Variants in JAKMIP1 observed in about 807,000 individuals in gnomAD.
The protein encoded by JAKMIP1 is janus kinase and microtubule interacting protein 1.
A neutral mutation model predicts 113.0 loss-of-function variants in JAKMIP1; 33 were observed. The ratio of observed to expected loss-of-function variants is 0.29; its 90% CI spans 0.22 to 0.39. JAKMIP1 has a LOEUF of 0.39. JAKMIP1 is among the 10% of genes least tolerant of loss of function. The pLI, the probability that JAKMIP1 is intolerant of heterozygous loss-of-function variation, is 1.00. For missense variants in JAKMIP1, 813 were observed against 1,080.5 expected, an observed-to-expected ratio of 0.75 and a Z score of 3.47; for synonymous variants, 480 against 459.9, an observed-to-expected ratio of 1.04 and a Z score of -0.56.
intron 20 of JAKMIP1, among the ~76,000 whole-genome samples, 174 bp from the exon 21 acceptor site, chr4:6,026,452 T>G (rs907851838): frequency 6.6e-6 from 1 of 152,216 alleles, no homozygotes; most frequent in East Asian, 1.9e-4. Context: ...TGATCTCCCC[T>G]GGGAAACGCA....
In JAKMIP1 at chr4:6,112,714, AC is replaced by A. The variant is rs1462365211; in HGVS notation, c.129+7del. On this transcript the variant is annotated splice_region_variant and intron_variant, in intron 2 of 20. Transcript: ENST00000409021. ...CCCAGCCGCTGCTGAGCTGACGCCA[AC>A]CCCCACCTTGCTTTTTTCCTGCTGG... 1.9e-6 allele frequency: 3 copies of A among 1,612,756 alleles called. No homozygotes were observed. The highest frequency in any genetic ancestry group is 1.3e-5 in the African/African-American group (1 of 74,876).
rs1229645170 is a variant in JAKMIP1, at chr4:6,184,783, G to A, written c.-148+15470C>T. 6.6e-6 allele frequency among the ~76,000 whole-genome samples: 1 copy of A among 152,228 alleles called. No individual in the cohort carries two copies. ...ACTCGATTGGACAGAAGGATAGAAA[G>A]TATTGTTCCTGAGTGTGTCTGTGAG... On this transcript the variant is annotated intron_variant, in intron 1 of 20. Transcript: ENST00000409021. This position sits in a 1 kb window ranked among gnomAD's most constrained non-coding sequence, Gnocchi z 4.5.
At chr4:6,164,609 A>G (rs1400262588) in intron 1 of JAKMIP1, among the ~76,000 whole-genome samples, 1 of 152,220 alleles carries the variant, frequency 6.6e-6, no homozygotes, top group East Asian at 1.9e-4. Context: ...AGCAAAGTAC[A>G]TTGAAAACCT....
intron 1 of JAKMIP1, among the ~76,000 whole-genome samples, chr4:6,132,167 A>G (rs1718597828): frequency 6.6e-6 from 1 of 152,238 alleles, no homozygotes; most frequent in Admixed American, 6.5e-5. Flanking sequence ...GGGAGAGACG[A>G]AACGGGACTC....
At chr4:6,128,735 C>T (rs1051275115) in intron 1 of JAKMIP1, among the ~76,000 whole-genome samples, 16 of 152,298 alleles carry the variant, frequency 1.1e-4, no homozygotes, top group Admixed American at 3.3e-4. Flanking sequence ...CTGGTGCCCC[C>T]AGCCTTGCCA....
chr4:6,145,975 G>A (rs578007366), intron 1 of JAKMIP1, among the ~76,000 whole-genome samples: 25 of 152,226 alleles, frequency 1.6e-4, no homozygotes, highest in South Asian at 8.3e-4. Context: ...TGAAGGCTTC[G>A]ACATAGGAAC....
At chr4:6,123,955 G>T (rs764183176) in intron 1 of JAKMIP1, among the ~76,000 whole-genome samples, 26 of 152,300 alleles carry the variant, frequency 1.7e-4, no homozygotes, top group Middle Eastern at 3.4e-3. Context: ...ATAGTTAGAG[G>T]GAGTTTTAAA....
chr4:6,153,960 C>T lies in JAKMIP1; in HGVS notation c.-147-40963G>A, dbSNP rs1411397942. On this transcript the variant is annotated intron_variant, in intron 1 of 20. Transcript: ENST00000409021. This position sits in a 1 kb window ranked among gnomAD's most constrained non-coding sequence, Gnocchi z 4.9. ...TTTGGCTGGGAAAGTCTGGATCCTGCCTCTTACTTGTCACAGAGTCTGCCC... is the reference window on the plus strand; with the variant it reads ...TTTGGCTGGGAAAGTCTGGATCCTGTCTCTTACTTGTCACAGAGTCTGCCC... 1.3e-5 allele frequency among the ~76,000 whole-genome samples: 2 copies of T among 152,204 alleles called. No homozygotes were observed. Among genetic ancestry groups the T allele is most frequent in the East Asian group, 3.8e-4 (2 of 5,202 alleles).
rs952827131 is a variant in JAKMIP1 at position 6,176,821 on chromosome 4, C to T, written c.-148+23432G>A. 2.6e-5 allele frequency among the ~76,000 whole-genome samples: 4 copies of T among 152,114 alleles called. No homozygotes were observed. Among genetic ancestry groups the T allele is most frequent in the African/African-American group, 9.7e-5 (4 of 41,408 alleles). On this transcript the variant is annotated intron_variant, in intron 1 of 20. Coordinates refer to ENST00000409021, the MANE Select transcript of JAKMIP1 (RefSeq NM_001099433.2). The surrounding 1 kb of genome is among the most constrained non-coding windows in gnomAD (Gnocchi z 5.5). Reference sequence around the variant, plus strand: ...GCCGAGGCAGGCGGATCACTTGAGCCCAGAAGTTAGAAACCAGCCTGGGCA... The same window carrying T: ...GCCGAGGCAGGCGGATCACTTGAGCTCAGAAGTTAGAAACCAGCCTGGGCA...
intron 3 of JAKMIP1, among the ~76,000 whole-genome samples, chr4:6,098,701 A>AG (rs752587396): frequency 2.3e-5 from 1 of 43,008 alleles, no homozygotes; most frequent in South Asian, 1.1e-3. Flanking sequence ...AGAAAGAAAG[A>AG]AAGAAAGAAA....
rs930091278 is a variant in JAKMIP1 at position 6,086,892 on chromosome 4, G to C, written c.625-1263C>G. Among the ~76,000 whole-genome samples the C allele has an allele frequency of 6.6e-6, 1 of 152,086 alleles. No individual in the cohort carries two copies. Among genetic ancestry groups the C allele is most frequent in the Non-Finnish European group, 1.5e-5 (1 of 68,010 alleles). On this transcript the variant is annotated intron_variant, in intron 3 of 20. Coordinates refer to ENST00000409021, the MANE Select transcript of JAKMIP1 (RefSeq NM_001099433.2). The surrounding 1 kb of genome is among the most constrained non-coding windows in gnomAD (Gnocchi z 4.1). ...CACAGCCTCAAGCCAAGGAACTCAA[G>C]GTCAGCCAGCAACACCAGCATCAGG...
At chr4:6,147,273 G>A (rs537262681) in intron 1 of JAKMIP1, among the ~76,000 whole-genome samples, 3 of 152,028 alleles carry the variant, frequency 2.0e-5, no homozygotes, top group Admixed American at 1.3e-4. Flanking sequence ...TAACTCAGTT[G>A]TGTTTTTTGT....
chr4:6,037,549 C>T (rs530096250), intron 18 of JAKMIP1, among the ~76,000 whole-genome samples: 24 of 145,392 alleles, frequency 1.7e-4, no homozygotes, highest in Admixed American at 4.7e-4. Flanking sequence ...AGAGGCTAAC[C>T]GGTATCCCTC....
rs78491354 is a variant in JAKMIP1 at position 6,144,286 on chromosome 4, T to G, written c.-147-31289A>C. ...ATACGTAGAAAAGCACAGGCCTAGATGGCTGCAGGGGTGAATTCTATCAAA... is the reference window on the plus strand; with the variant it reads ...ATACGTAGAAAAGCACAGGCCTAGAGGGCTGCAGGGGTGAATTCTATCAAA... On this transcript the variant is annotated intron_variant, in intron 1 of 20. Coordinates refer to ENST00000409021, the MANE Select transcript of JAKMIP1 (RefSeq NM_001099433.2). Among the ~76,000 whole-genome samples, 278 of 152,358 alleles carry G rather than the reference T, an allele frequency of 1.8e-3. 1 individual carries two copies. The highest frequency in any genetic ancestry group is 0.01 in the Middle Eastern group (3 of 294).
Position 6,137,554 on chromosome 4 carries a change from C to T in JAKMIP1, c.-147-24557G>A, listed in dbSNP as rs1365704438. Among the ~76,000 whole-genome samples, 1 of 152,208 alleles carries T rather than the reference C, an allele frequency of 6.6e-6. No individual in the cohort carries two copies. The highest frequency in any genetic ancestry group is 1.5e-5 in the Non-Finnish European group (1 of 68,034). On this transcript the variant is annotated intron_variant, in intron 1 of 20. Transcript: ENST00000409021. The surrounding 1 kb of genome is among the most constrained non-coding windows in gnomAD (Gnocchi z 4.5). The stretch of plus-strand genomic sequence containing the variant: ...GGAGCTGTGATTTGGTTGAACGTTC[C>T]AGATGGCCTCACTCGAGAGACGCTC...
rs960191420 is a variant in JAKMIP1 at position 6,065,499 on chromosome 4, AG to A, written c.1303-492del. The stretch of plus-strand genomic sequence containing the variant: ...AGAACTGGATGAATAAGGACAGCAG[AG>A]GGGGCAACAGCTTGAAGGAGTGGAG... On this transcript the variant is annotated intron_variant, in intron 8 of 20. Transcript: ENST00000409021. The surrounding 1 kb of genome is among the most constrained non-coding windows in gnomAD (Gnocchi z 5.1). Among the ~76,000 whole-genome samples, 26 of 152,366 alleles carry A rather than the reference AG, an allele frequency of 1.7e-4. No individual in the cohort carries two copies. Among genetic ancestry groups the A allele is most frequent in the African/African-American group, 6.3e-4 (26 of 41,588 alleles).
At position 6,065,600 on chromosome 4, in the gene JAKMIP1, G is replaced by C. The variant is rs1473572215; in HGVS notation, c.1303-592C>G. Among the ~76,000 whole-genome samples the C allele has an allele frequency of 3.3e-5, 5 of 152,242 alleles. No homozygotes were observed. In the East Asian group the frequency reaches 9.6e-4, roughly 29 times the overall value. ...CAAGTCCTGGCCAGACCCACACTTA[G>C]AGGCAATCTCTGCTTAACTTTTTAT... On this transcript the variant is annotated intron_variant, in intron 8 of 20. Coordinates refer to ENST00000409021, the MANE Select transcript of JAKMIP1 (RefSeq NM_001099433.2). The surrounding 1 kb of genome is among the most constrained non-coding windows in gnomAD (Gnocchi z 5.1).
Position 6,030,818 on chromosome 4 carries a change from C to T in JAKMIP1, c.2380-1037G>A, listed in dbSNP as rs1170912724. Reference sequence around the variant, plus strand: ...TTCTCCAGCCTGTGTCAGCATCACCCAGAGAGCCTACTCAAATGCAGATTG... The same window carrying T: ...TTCTCCAGCCTGTGTCAGCATCACCTAGAGAGCCTACTCAAATGCAGATTG... On this transcript the variant is annotated intron_variant, in intron 19 of 20. Coordinates refer to ENST00000409021, the MANE Select transcript of JAKMIP1 (RefSeq NM_001099433.2). 2.0e-5 allele frequency among the ~76,000 whole-genome samples: 3 copies of T among 152,216 alleles called. No individual in the cohort carries two copies. In the East Asian group the frequency reaches 5.8e-4, roughly 29 times the overall value.
At chr4:6,056,578 C>T (rs373580547) in intron 12 of JAKMIP1, 119 bp downstream of exon 12, 5 of 745,776 alleles carry the variant, frequency 6.7e-6, no homozygotes, top group South Asian at 1.5e-5. Context: ...GTGCAGGACC[C>T]GAGGCCCTGG....
Sources: allele counts gnomAD v4.1 joint callset (sites outside exome capture counted in the v4.1 genomes callset), GRCh38; gene constraint gnomAD v4.1.1; non-coding constraint Gnocchi (gnomAD v3.1); transcripts MANE v1.5; gene names NCBI Gene and HGNC (gene_info 2026-07-23, HGNC 2026-07-21).